The following YJU2B variants were observed in gnomAD, a reference collection of about 807,000 sequenced individuals.
YJU2B encodes YJU2 splicing factor homolog B.
Under a neutral mutation model 38.0 loss-of-function variants are expected in YJU2B, and 18 were observed. The observed-to-expected ratio is 0.47, with a 90% CI of 0.33 to 0.70. The LOEUF is 0.70. Ranked by LOEUF, YJU2B falls within the 30% of genes least tolerant of loss-of-function variation. The pLI is 0.02. For synonymous variants in YJU2B, 246 were observed against 225.4 expected, an observed-to-expected ratio of 1.09 and a Z score of -0.82; for missense variants, 538 against 556.3, an observed-to-expected ratio of 0.97 and a Z score of 0.33.
In YJU2B at chr19:13,758,627, ATGAATGAACAAACAGC is replaced by A. The variant is rs1377411504; in HGVS notation, c.258-228_258-213del. ...ACCAAAAAAATGGATGAGGGAATGA[ATGAATGAACAAACAGC>A]TGAATGAACAAATGAATAAGCCAAC... On this transcript the variant is annotated intron_variant, in intron 6 of 9. Transcript: ENST00000221554. Among the ~76,000 whole-genome samples the A allele has an allele frequency of 1.6e-4, 24 of 152,384 alleles. No individual in the cohort carries two copies. The South Asian group carries it at 5.0e-3, about 32-fold the overall frequency.
At chr19:13,734,747 C>A (rs1568273991) in intron 2 of YJU2B, among the ~76,000 whole-genome samples, 1 of 151,990 alleles carries the variant, frequency 6.6e-6, no homozygotes, top group African/African-American at 2.4e-5. Flanking sequence ...CTCCACCATG[C>A]ACAGCTAATT....
intron 8 of YJU2B, 185 bp downstream of exon 8, chr19:13,759,457 C>G: frequency 1.8e-6 from 1 of 559,870 alleles, no homozygotes. Context: ...ATAAAAAATA[C>G]CATAGACAGA....
intron 3 of YJU2B, 27 bp downstream of exon 3, chr19:13,754,369 A>T: frequency 1.3e-6 from 2 of 1,595,532 alleles, no homozygotes; most frequent in Non-Finnish European, 1.7e-6. Flanking sequence ...CTCCAGGTCC[A>T]CAGTAGCAAA....
At position 13,757,480 on chromosome 19, in the gene YJU2B, C is replaced by T. The variant is rs1973710830; in HGVS notation, c.196+7C>T. The T allele has an allele frequency of 4.3e-6, 7 of 1,611,738 alleles. No homozygotes were observed. Among genetic ancestry groups the T allele is most frequent in the Non-Finnish European group, 5.9e-6 (7 of 1,178,266 alleles). On this transcript the variant is annotated splice_region_variant and intron_variant, in intron 5 of 9. Transcript: ENST00000221554. ...AAGAACCACATCGGCATGGGTGAGC[C>T]TCTGCCCACCCTCCATTCAGTCCTG...
At chr19:13,757,246 C>T (rs972721844) in intron 4 of YJU2B, among the ~76,000 whole-genome samples, 172 bp from the exon 5 acceptor site, 4 of 152,090 alleles carry the variant, frequency 2.6e-5, no homozygotes, top group Non-Finnish European at 5.9e-5. Flanking sequence ...GGTTGTGATT[C>T]TTTTTCTTCC....
At chr19:13,740,815 G>A (rs1194044673) in intron 2 of YJU2B, among the ~76,000 whole-genome samples, 4 of 152,136 alleles carry the variant, frequency 2.6e-5, no homozygotes, top group African/African-American at 4.8e-5. Flanking sequence ...GATTACAGGC[G>A]TGAGCCACCG....
intron 2 of YJU2B, among the ~76,000 whole-genome samples, chr19:13,733,721 C>T (rs1972876729): frequency 6.6e-6 from 1 of 151,768 alleles, no homozygotes; most frequent in South Asian, 2.1e-4. Context: ...AACTCCATCT[C>T]AAAAAAACAA....
At chr19:13,745,635 G>A (rs762089822), upstream of YJU2B, among the ~76,000 whole-genome samples, 3 of 116,020 alleles carry the variant, frequency 2.6e-5, no homozygotes, top group Non-Finnish European at 3.6e-5. Context: ...TGAGCAACAA[G>A]AGCAAAACTC....
In YJU2B at chr19:13,762,719, C is replaced by G; in HGVS notation, c.842C>G (p.Thr281Ser). 1 of 1,607,614 alleles carries G rather than the reference C, an allele frequency of 6.2e-7. No individual in the cohort carries two copies. The highest frequency in any genetic ancestry group is 8.5e-7 in the Non-Finnish European group (1 of 1,179,594). The change falls in exon 10 of 10, where the codon ACC becomes AGC. Residue 281 changes from threonine (T) to serine (S), a missense_variant. By Grantham distance (58) the Thr-to-Ser change is moderately conservative. Transcript: ENST00000221554. ...AAGAAGCTGGCACAGAGCCGCAGAA[C>G]CGCGCTTGCCACCTCCCCCATCACC... The part of the protein sequence containing the change: ...VLKKLAQSRR[T>S]ALATSPITVG...
chr19:13,759,586 C>G (rs1473197), intron 8 of YJU2B: 95,880 of 228,598 alleles, frequency 0.42, 22,575 homozygotes, highest in East Asian at 0.63. Flanking sequence ...ACCACCCCCC[C>G]CCTCCCCCAG....
In YJU2B at chr19:13,762,725, T is replaced by C. The variant is rs1973946642; in HGVS notation, c.848T>C (p.Leu283Pro). 1 of 1,608,330 alleles carries C rather than the reference T, an allele frequency of 6.2e-7. No individual in the cohort carries two copies. The highest frequency in any genetic ancestry group is 8.5e-7 in the Non-Finnish European group (1 of 1,179,576). Reference sequence around the variant, plus strand: ...CTGGCACAGAGCCGCAGAACCGCGCTTGCCACCTCCCCCATCACCGTCGGG... The same window carrying C: ...CTGGCACAGAGCCGCAGAACCGCGCCTGCCACCTCCCCCATCACCGTCGGG... ...KKLAQSRRTA[L>P]ATSPITVGDL... Residue 283 changes from leucine to proline, a missense_variant, in exon 10 of 10, where the codon CTT becomes CCT. This residue lies in a region of YJU2B where 488 missense variants were observed against 469.5 expected (regional missense o/e 1.04). Transcript: ENST00000221554.
At chr19:13,735,928 T>G (rs1298140881) in intron 2 of YJU2B, among the ~76,000 whole-genome samples, 1 of 151,682 alleles carries the variant, frequency 6.6e-6, no homozygotes, top group Admixed American at 6.6e-5. Flanking sequence ...GGGGGGCACC[T>G]GTAGTCCCAG....
chr19:13,748,552 A>G (rs2145120031), intron 1 of YJU2B, among the ~76,000 whole-genome samples: 1 of 152,286 alleles, frequency 6.6e-6, no homozygotes, highest in Middle Eastern at 3.4e-3. Flanking sequence ...TTACTGGGGT[A>G]ACAAAACCAT....
chr19:13,750,196 A>G (rs1014175350), intron 1 of YJU2B, among the ~76,000 whole-genome samples: 2 of 149,448 alleles, frequency 1.3e-5, no homozygotes, highest in African/African-American at 2.6e-5. Context: ...ACAAGTGACT[A>G]TGGATTGGAT....
chr19:13,751,445 G>T (rs969015454), intron 1 of YJU2B, among the ~76,000 whole-genome samples, 163 bp from the exon 2 acceptor site: 1 of 152,108 alleles, frequency 6.6e-6, no homozygotes, highest in Non-Finnish European at 1.5e-5. Context: ...GGCAGCTGTG[G>T]GGTGAGCAAG....
chr19:13,754,629 G>C (rs1457504037), intron 3 of YJU2B, among the ~76,000 whole-genome samples: 1 of 152,080 alleles, frequency 6.6e-6, no homozygotes, highest in Non-Finnish European at 1.5e-5. Flanking sequence ...GGCTTCCCCA[G>C]CTCCAGCACC....
chr19:13,755,409 C>T (rs1189580349), intron 3 of YJU2B, among the ~76,000 whole-genome samples: 3 of 148,492 alleles, frequency 2.0e-5, no homozygotes, highest in East Asian at 2.0e-4. Context: ...TGCAGTGAGC[C>T]GAGATCACGC....
chr19:13,745,756 T>TA (rs569535270), upstream of YJU2B, among the ~76,000 whole-genome samples: 89 of 146,796 alleles, frequency 6.1e-4, 1 homozygote, highest in African/African-American at 2.1e-3. Flanking sequence ...TATATATATA[T>TA]ATCAGGAGGA....
intron 1 of YJU2B, among the ~76,000 whole-genome samples, chr19:13,748,590 CCT>C (rs1973338938): frequency 6.6e-6 from 1 of 152,182 alleles, no homozygotes; most frequent in Non-Finnish European, 1.5e-5. Flanking sequence ...CCCTCGAGCT[CCT>C]GTAAACGGAG....
Sources: gnomAD v4.1 joint callset for allele counts (sites outside exome capture counted in the v4.1 genomes callset) on GRCh38, gnomAD v4.1.1 for gene constraint, gnomAD v4.1.1 regional missense constraint, MANE v1.5 for transcripts, NCBI Gene and HGNC (gene_info 2026-07-23, HGNC 2026-07-21) for gene names.